Variants in BSCL2 observed in about 807,000 individuals in gnomAD.
BSCL2 encodes seipin.
A neutral mutation model predicts 57.4 loss-of-function variants in BSCL2; 41 were observed. The ratio of observed to expected loss-of-function variants is 0.71; its 90% CI spans 0.56 to 0.93. The LOEUF is 0.93. BSCL2 is among the 40% of genes least tolerant of loss of function. BSCL2 has a pLI of 0.00. For synonymous variants in BSCL2, 237 were observed against 227.3 expected (o/e 1.04, Z -0.38); for missense variants, 539 against 586.7 (o/e 0.92, Z 0.84).
In BSCL2 at chr11:62,702,751, A is replaced by G. The variant is rs192274782; in HGVS notation, c.405-202T>C. On this transcript the variant is annotated intron_variant, in intron 2 of 10. Coordinates refer to ENST00000360796, the MANE Select transcript of BSCL2 (RefSeq NM_001122955.4). ...ATTTCATTCTCTTCCTATGACTTCA[A>G]TGTATGTCCTCTCATTACAACAGAT... Among the ~76,000 whole-genome samples, 13 of 150,272 alleles carry G rather than the reference A, an allele frequency of 8.7e-5. No homozygotes were observed. The East Asian group carries it at 2.5e-3, about 29-fold the overall frequency.
upstream of BSCL2, chr11:62,708,912 C>A: frequency 1.2e-6 from 1 of 846,380 alleles, no homozygotes; most frequent in Non-Finnish European, 2.0e-6. Flanking sequence ...CCATCCCTAA[C>A]CCTTGCCTGA....
intron 1 of BSCL2, chr11:62,706,783 G>T: frequency 1.8e-6 from 1 of 561,140 alleles, no homozygotes; most frequent in South Asian, 1.6e-5. Flanking sequence ...TGTTGCGCAG[G>T]CAGATTAGTG....
At chr11:62,706,394 C>A (rs1036454759) in intron 1 of BSCL2, 3 of 729,290 alleles carry the variant, frequency 4.1e-6, no homozygotes, top group Admixed American at 4.1e-5. Flanking sequence ...CACGGCGGGG[C>A]GGGGCGGGAC....
chr11:62,707,130 G>A lies in BSCL2; in HGVS notation c.66C>T (p.Ile22=). 1 of 1,554,306 alleles carries A rather than the reference G, an allele frequency of 6.4e-7. No homozygotes were observed. Among genetic ancestry groups the A allele is most frequent in the South Asian group, 1.2e-5 (1 of 84,274 alleles). The change falls in exon 1 of 11, where the codon ATC becomes ATT. Residue 22 remains isoleucine, a synonymous_variant. Transcript: ENST00000360796. ...CTACCTCCTCTTTGTCCGGTCCTTT[G>A]ATCTGGTCTCCGCACACCTCTTTTT... is the stretch of plus-strand genomic sequence containing the variant. ...AGEKEVCGDQ[I]KGPDKEEEPP... is the part of the protein sequence containing the mutation.
Position 62,707,261 on chromosome 11 carries a change from G to T in BSCL2, c.-66C>A. On this transcript the variant is annotated 5_prime_UTR_variant, in exon 1 of 11. Coordinates refer to ENST00000360796, the MANE Select transcript of BSCL2 (RefSeq NM_001122955.4). ...GTCACTTGTGGCTAAAACGTGAAGT[G>T]GCGATCCAGACGCTGATACCTGTGG... 2 of 1,383,486 alleles carry T rather than the reference G, an allele frequency of 1.4e-6. No individual in the cohort carries two copies. The highest frequency in any genetic ancestry group is 2.0e-6 in the Non-Finnish European group (2 of 993,764). The allele number at this position is 1,383,486 out of a possible 1,614,324, so 85.7% of individuals were successfully genotyped here.
chr11:62,709,084 T>A, upstream of BSCL2: 1 of 477,866 alleles, frequency 2.1e-6, no homozygotes, highest in South Asian at 1.8e-5. Flanking sequence ...TCCTGCCCGC[T>A]TCCCTCGGTG....
At chr11:62,706,685 C>A (rs976551220) in intron 1 of BSCL2, 1 of 480,008 alleles carries the variant, frequency 2.1e-6, no homozygotes, top group Non-Finnish European at 4.3e-6. Context: ...ATTTTTATCG[C>A]CCACAGCTCC....
upstream of BSCL2, chr11:62,708,663 C>G (rs749453511): frequency 3.1e-6 from 5 of 1,613,486 alleles, no homozygotes; most frequent in Non-Finnish European, 4.2e-6. Context: ...AATACCCTTC[C>G]TGGCTGTGTC....
intron 3 of BSCL2, among the ~76,000 whole-genome samples, chr11:62,700,594 T>C (rs546888720): frequency 2.6e-5 from 4 of 152,280 alleles, no homozygotes; most frequent in African/African-American, 7.2e-5. Flanking sequence ...CGAGCCAAGA[T>C]CGTGCCATTG....
rs1226531729 is a variant in BSCL2, at chr11:62,705,292, C to T, written c.404+9G>A. On this transcript the variant is annotated intron_variant, in intron 2 of 10. Coordinates refer to ENST00000360796, the MANE Select transcript of BSCL2 (RefSeq NM_001122955.4). ...GGAGTCCTCTATTTTGATAGAAGGC[C>T]CCTCTCACCTGTAGTAGAAATGCAC... is the stretch of plus-strand genomic sequence containing the variant. 6 of 1,602,540 alleles carry T rather than the reference C, an allele frequency of 3.7e-6. No homozygotes were observed. The highest frequency in any genetic ancestry group is 4.3e-6 in the Non-Finnish European group (5 of 1,174,082).
At chr11:62,705,209 T>C (rs2083506933) in intron 2 of BSCL2, 92 bp downstream of exon 2, 1 of 1,367,080 alleles carries the variant, frequency 7.3e-7, no homozygotes, top group Admixed American at 2.0e-5. Flanking sequence ...CCAGTTTTCC[T>C]TATCTGTAAA....
upstream of BSCL2, chr11:62,708,723 G>A (rs764014691): frequency 6.2e-7 from 1 of 1,613,964 alleles, no homozygotes; most frequent in Admixed American, 1.7e-5. Flanking sequence ...TGATGCCCAC[G>A]CCTGTGAGGA....
chr11:62,695,923 C>A (rs1945447364), intron 3 of BSCL2, among the ~76,000 whole-genome samples: 1 of 151,736 alleles, frequency 6.6e-6, no homozygotes, highest in Non-Finnish European at 1.5e-5. Flanking sequence ...GCCTGTAATC[C>A]CAGCACTTTG....
chr11:62,700,993 T>C (rs1945623286), intron 3 of BSCL2, among the ~76,000 whole-genome samples: 2 of 151,822 alleles, frequency 1.3e-5, no homozygotes, highest in Admixed American at 6.6e-5. Flanking sequence ...GAGCCTCCTC[T>C]AGCTTGCCTA....
chr11:62,691,176 A>T, intron 7 of BSCL2, 35 bp from the exon 8 acceptor site: 1 of 1,614,018 alleles, frequency 6.2e-7, no homozygotes, highest in Admixed American at 1.7e-5. Context: ...GCCAGGACTG[A>T]CTTCCCTCAC....
At chr11:62,709,403 A>C (rs527693793), upstream of BSCL2, 137 of 454,006 alleles carry the variant, frequency 3.0e-4, no homozygotes, top group Admixed American at 4.9e-4. Context: ...GCGAAGAGCA[A>C]ACACACACAC....
At chr11:62,702,343 G>C in intron 3 of BSCL2, 125 bp downstream of exon 3, 1 of 854,648 alleles carries the variant, frequency 1.2e-6, no homozygotes, top group Non-Finnish European at 1.8e-6. Flanking sequence ...TGGGATTACA[G>C]GCGTGAGCCA....
chr11:62,707,964 G>A, upstream of BSCL2: 1 of 363,478 alleles, frequency 2.8e-6, no homozygotes, highest in South Asian at 2.9e-5. Context: ...GGAGCAGACA[G>A]GGGTGATGTG....
rs376639703 is a variant in BSCL2, at chr11:62,694,542, T to C, written c.630+26A>G. ...TGATCCTGCCATCTTCCTCCACACCTTCTCAGACAGGCCACCAACACTTAC... is the reference window on the plus strand; with the variant it reads ...TGATCCTGCCATCTTCCTCCACACCCTCTCAGACAGGCCACCAACACTTAC... On this transcript the variant is annotated intron_variant, in intron 4 of 10. Coordinates refer to ENST00000360796, the MANE Select transcript of BSCL2 (RefSeq NM_001122955.4). The C allele has an allele frequency of 1.9e-6, 3 of 1,613,592 alleles. No individual in the cohort carries two copies. The African/African-American group carries it at 4.0e-5, about 22-fold the overall frequency.
Sources: gnomAD v4.1 joint callset for allele counts (sites outside exome capture counted in the v4.1 genomes callset) on GRCh38, gnomAD v4.1.1 for gene constraint, MANE v1.5 for transcripts, NCBI Gene and HGNC (gene_info 2026-07-23, HGNC 2026-07-21) for gene names.